Variants in DMD observed in about 807,000 individuals in gnomAD.
DMD encodes the protein mutant dystrophin.
Under a neutral mutation model 330.1 loss-of-function variants are expected in DMD, and 63 were observed. The observed-to-expected ratio is 0.19, with a 90% confidence interval of 0.16 to 0.24. DMD has a LOEUF of 0.24. DMD is among the 10% of genes least tolerant of loss of function. The pLI is 1.00. For synonymous variants in DMD, 1,223 were observed against 959.8 expected (o/e 1.27, Z -5.07); for missense variants, 3,344 against 2,684.1 (o/e 1.25, Z -5.43).
chrX:32,512,999 A>G (rs2045493805), intron 18 of DMD, among the ~76,000 whole-genome samples: 1 of 111,924 alleles, frequency 8.9e-6, no homozygotes, highest in Non-Finnish European at 1.9e-5. Flanking sequence ...AAGAAGCATA[A>G]TGTGTCACAT....
intron 44 of DMD, among the ~76,000 whole-genome samples, chrX:32,013,076 A>ATCTTT (rs1234355007): frequency 1.8e-5 from 1 of 54,168 alleles, no homozygotes; most frequent in African/African-American, 7.5e-5. Flanking sequence ...CAGGAAATTA[A>ATCTTT]TCTTTTCTTT....
chrX:32,476,637 G>A (rs182617356), intron 21 of DMD, among the ~76,000 whole-genome samples: 11 of 111,719 alleles, frequency 9.8e-5, no homozygotes, highest in Non-Finnish European at 1.9e-4. Context: ...AATTTGCAAC[G>A]GTATAGAGTA....
At chrX:31,504,777 T>C (rs989223747) in intron 56 of DMD, among the ~76,000 whole-genome samples, 11 of 112,253 alleles carry the variant, frequency 9.8e-5, no homozygotes, top group South Asian at 3.7e-4. Flanking sequence ...CTAAATTGCT[T>C]TGATGTGGAG....
intron 29 of DMD, among the ~76,000 whole-genome samples, chrX:32,432,030 T>C (rs779152906): frequency 3.6e-4 from 40 of 112,079 alleles, no homozygotes; most frequent in African/African-American, 1.1e-3. Context: ...AATCACTTGT[T>C]TGGATATTTC....
chrX:32,166,120 A>G (rs980673667), intron 44 of DMD, among the ~76,000 whole-genome samples: 13 of 111,109 alleles, frequency 1.2e-4, no homozygotes, highest in African/African-American at 3.3e-4. Flanking sequence ...TTTCTGTTCA[A>G]ATATCACATC....
intron 2 of DMD, among the ~76,000 whole-genome samples, chrX:32,887,090 G>T (rs1207710608): frequency 3.6e-5 from 4 of 112,166 alleles, no homozygotes; most frequent in African/African-American, 1.3e-4. Context: ...GCTCACACCT[G>T]TAATCCCAGC....
At chrX:32,811,448 C>T (rs2077363940) in intron 6 of DMD, among the ~76,000 whole-genome samples, 2 of 111,827 alleles carry the variant, frequency 1.8e-5, no homozygotes, top group African/African-American at 6.5e-5. Flanking sequence ...TACTATTTAA[C>T]GTATTATATA....
At chrX:32,171,738 G>GAAATT (rs1289802082) in intron 44 of DMD, among the ~76,000 whole-genome samples, 3 of 111,434 alleles carry the variant, frequency 2.7e-5, no homozygotes, top group Non-Finnish European at 5.7e-5. Flanking sequence ...AGACATCCTT[G>GAAATT]AAATGTACAT....
intron 19 of DMD, among the ~76,000 whole-genome samples, chrX:32,496,943 C>A (rs2043549007): frequency 8.9e-6 from 1 of 112,225 alleles, no homozygotes; most frequent in African/African-American, 3.2e-5. Context: ...TGGGCTACTA[C>A]AAGTGGTACA....
intron 7 of DMD, among the ~76,000 whole-genome samples, chrX:32,730,997 T>A (rs908805519): frequency 1.8e-5 from 2 of 111,416 alleles, no homozygotes; most frequent in Non-Finnish European, 3.8e-5. Flanking sequence ...CCATCTGAGG[T>A]ACCAGGTTCA....
chrX:32,598,342 T>C (rs1449177849), intron 12 of DMD, among the ~76,000 whole-genome samples: 2 of 111,627 alleles, frequency 1.8e-5, no homozygotes, highest in East Asian at 5.6e-4. Context: ...AGAGTTGTCC[T>C]TGACAGTCAT....
intron 1 of DMD, among the ~76,000 whole-genome samples, chrX:33,298,546 G>C (rs981904218): frequency 5.4e-5 from 6 of 111,636 alleles, no homozygotes; most frequent in African/African-American, 1.9e-4. Flanking sequence ...TGCTGTTTTG[G>C]CTGCAAAACA....
At chrX:33,063,306 A>G (rs1180199436) in intron 1 of DMD, among the ~76,000 whole-genome samples, 1 of 111,754 alleles carries the variant, frequency 8.9e-6, no homozygotes, top group East Asian at 2.8e-4. Flanking sequence ...AAAAAATAGA[A>G]GAAAAAGTAG....
chrX:32,024,821 CATT>C (rs2095835605), intron 44 of DMD, among the ~76,000 whole-genome samples: 1 of 111,916 alleles, frequency 8.9e-6, no homozygotes, highest in Non-Finnish European at 1.9e-5. Context: ...TCGCCATCAT[CATT>C]ATTACTATTG....
chrX:32,992,349 T>A (rs1309415701), intron 2 of DMD, among the ~76,000 whole-genome samples: 1 of 111,973 alleles, frequency 8.9e-6, no homozygotes, highest in Non-Finnish European at 1.9e-5. Context: ...GTACATTTCC[T>A]CATGTACCTG....
intron 2 of DMD, among the ~76,000 whole-genome samples, chrX:32,920,286 A>C (rs955220654): frequency 7.2e-5 from 8 of 111,859 alleles, no homozygotes; most frequent in African/African-American, 2.6e-4. Flanking sequence ...ATTTTTAATA[A>C]ATTTCTCCCA....
At chrX:32,876,067 G>A (rs2083352143) in intron 2 of DMD, among the ~76,000 whole-genome samples, 2 of 111,090 alleles carry the variant, frequency 1.8e-5, no homozygotes, top group South Asian at 3.8e-4. Context: ...CATATTTTCC[G>A]GAGATTATTG....
At chrX:31,840,135 T>C (rs1160829567) in intron 48 of DMD, among the ~76,000 whole-genome samples, 2 of 111,903 alleles carry the variant, frequency 1.8e-5, no homozygotes, top group African/African-American at 6.5e-5. Flanking sequence ...TCATTTGTAT[T>C]TGATACATTT....
chrX:32,135,941 A>T (rs1036635991), intron 44 of DMD, among the ~76,000 whole-genome samples: 3 of 111,818 alleles, frequency 2.7e-5, no homozygotes, highest in African/African-American at 9.7e-5. Context: ...GACATGTTAT[A>T]ATTAGGATAT....
Sources: gnomAD v4.1 joint callset for allele counts (sites outside exome capture counted in the v4.1 genomes callset) on GRCh38, gnomAD v4.1.1 for gene constraint, MANE v1.5 for transcripts, NCBI Gene and HGNC (gene_info 2026-07-23, HGNC 2026-07-21) for gene names.